TMEM43: variants seen among roughly 807,000 people sequenced by gnomAD.
TMEM43 encodes the protein arrhythmogenic right ventricular dysplasia 5.
Under a neutral mutation model 49.6 loss-of-function variants are expected in TMEM43, and 45 were observed. That is an observed-to-expected ratio of 0.91 (90% CI 0.71 to 1.16). The LOEUF (loss-of-function observed/expected upper bound fraction) is 1.16. Among genes scored for constraint, TMEM43 ranks in the 50% most tolerant of loss-of-function variants. The pLI is 0.00. For missense variants in TMEM43, 532 were observed against 516.6 expected (o/e 1.03, Z -0.29); for synonymous variants, 199 against 207.8 (o/e 0.96, Z 0.36).
rs555034992 is a variant in TMEM43 at position 14,130,800 on chromosome 3, C to A, written c.163-22C>A. The A allele has an allele frequency of 3.1e-6, 5 of 1,613,072 alleles. No individual in the cohort carries two copies. In the South Asian group the frequency reaches 3.3e-5, roughly 11 times the overall value. ...TGAGCCACCCCTGAGCTGTTGAAAT[C>A]CCCACTCCCCTTTGCTCCCAGGGCC... On this transcript the variant is annotated intron_variant, in intron 2 of 11. Transcript: ENST00000306077.
chr3:14,135,282 C>G (rs988868212), intron 9 of TMEM43, 50 bp downstream of exon 9: 1 of 1,491,350 alleles, frequency 6.7e-7, no homozygotes, highest in Non-Finnish European at 9.3e-7. Flanking sequence ...TCACGACTTT[C>G]CTGGACACAG....
chr3:14,125,851 C>T (rs1421417565), intron 1 of TMEM43, among the ~76,000 whole-genome samples: 1 of 152,150 alleles, frequency 6.6e-6, no homozygotes, highest in South Asian at 2.1e-4. Context: ...CCCTCAAGGC[C>T]TCTTCTCCCT....
At chr3:14,128,048 C>T (rs1695041987) in intron 1 of TMEM43, among the ~76,000 whole-genome samples, 2 of 152,320 alleles carry the variant, frequency 1.3e-5, no homozygotes, top group Admixed American at 1.3e-4. Flanking sequence ...AGGCCCTGAG[C>T]TACCCAATAA....
rs1450156105 is a variant in TMEM43 at position 14,143,112 on chromosome 3, C to CT, written c.*1318dup. The CT allele has an allele frequency of 1.3e-5, 2 of 152,226 alleles. No homozygotes were observed. The highest frequency in any genetic ancestry group is 4.8e-5 in the African/African-American group (2 of 41,432). 9.4% of individuals were successfully genotyped at this position (152,226 alleles called of 1,614,324 possible). ...CACCCACACCTAAGTCACAGAATTT[C>CT]TAAGTTCCCCAACTACTCTCACACC... On this transcript the variant is annotated 3_prime_UTR_variant, in exon 12 of 12. Coordinates refer to ENST00000306077, the MANE Select transcript of TMEM43 (RefSeq NM_024334.3).
intron 10 of TMEM43, among the ~76,000 whole-genome samples, chr3:14,137,450 T>C (rs1223221924): frequency 6.6e-6 from 1 of 152,132 alleles, no homozygotes; most frequent in Admixed American, 6.5e-5. Context: ...GTGCAGATGC[T>C]CAGGCGGCCT....
intron 11 of TMEM43, among the ~76,000 whole-genome samples, chr3:14,141,030 C>G (rs1225798950): frequency 6.6e-6 from 1 of 152,218 alleles, no homozygotes; most frequent in Non-Finnish European, 1.5e-5. Context: ...TAGCTGGATT[C>G]TGGGCTTTAT....
At chr3:14,132,696 CCAGGCATCAGGAT>C (rs1277590006) in intron 5 of TMEM43, 101 bp downstream of exon 5, 21 of 1,465,678 alleles carry the variant, frequency 1.4e-5, no homozygotes, top group Non-Finnish European at 2.0e-5. Context: ...GGATTCAGCA[CCAGGCATCAGGAT>C]CCCTGGGTGC....
intron 1 of TMEM43, 46 bp downstream of exon 1, chr3:14,125,251 G>T (rs1354757435): frequency 2.5e-5 from 39 of 1,583,252 alleles, no homozygotes; most frequent in Non-Finnish European, 1.7e-6. Context: ...CTTCCCCGTC[G>T]CCCTGGGGCT....
intron 11 of TMEM43, 58 bp downstream of exon 11, chr3:14,139,355 C>T (rs1695219791): frequency 3.3e-6 from 4 of 1,212,418 alleles, no homozygotes; most frequent in East Asian, 4.6e-5. Context: ...GCCTCCTCTG[C>T]CTGTCGCATC....
At position 14,143,354 on chromosome 3, in the gene TMEM43, A is replaced by G. The variant is rs900116568; in HGVS notation, c.*1559A>G. The G allele has an allele frequency of 6.6e-6, 1 of 152,236 alleles. No individual in the cohort carries two copies. Among genetic ancestry groups the G allele is most frequent in the Non-Finnish European group, 1.5e-5 (1 of 68,034 alleles). The allele number at this position is 152,236 out of a possible 1,614,324, so 9.4% of individuals were successfully genotyped here. A position where few individuals can be genotyped will look rare whatever the true frequency, so the allele number is the denominator to read the frequency against. On this transcript the variant is annotated 3_prime_UTR_variant, in exon 12 of 12. Transcript: ENST00000306077. The stretch of plus-strand genomic sequence containing the variant: ...CTGTGCTATAAATGAGTTTCTTCAC[A>G]TGAAAAACACAGCCAGCCCAAGATG...
At chr3:14,133,068 G>C in intron 6 of TMEM43, 133 bp downstream of exon 6, 1 of 785,496 alleles carries the variant, frequency 1.3e-6, no homozygotes, top group Non-Finnish European at 2.2e-6. Flanking sequence ...ATGGGTTTGA[G>C]ACCAAGCCCT....
intron 1 of TMEM43, among the ~76,000 whole-genome samples, chr3:14,128,045 G>A (rs374475680): frequency 3.3e-5 from 5 of 152,136 alleles, no homozygotes; most frequent in African/African-American, 9.7e-5. Flanking sequence ...CCTAGGCCCT[G>A]AGCTACCCAA....
intron 9 of TMEM43, 64 bp downstream of exon 9, chr3:14,135,296 C>G: frequency 2.1e-6 from 3 of 1,403,320 alleles, no homozygotes; most frequent in Non-Finnish European, 3.0e-6. Flanking sequence ...GACACAGACA[C>G]CTTGGTCAAT....
intron 10 of TMEM43, 146 bp downstream of exon 10, chr3:14,136,054 A>T (rs1443031743): frequency 3.8e-6 from 3 of 784,326 alleles, no homozygotes; most frequent in South Asian, 1.4e-5. Context: ...AGTATGCCTC[A>T]TCAAAGTGTT....
In TMEM43 at chr3:14,134,890, A is replaced by C. The variant is rs751419150; in HGVS notation, c.704A>C (p.Glu235Ala). 3 of 1,613,942 alleles carry C rather than the reference A, an allele frequency of 1.9e-6. No homozygotes were observed. The highest frequency in any genetic ancestry group is 2.7e-5 in the African/African-American group (2 of 74,922). ...CACAGCGAAAATCCCAAGTATCCAG[A>C]GGTGTGCGGAGAGGCCTGGGCTCTC... ...FYHSENPKYP[E>A]VGDLRVSFSY... The change falls in exon 8 of 12, where the codon GAG becomes GCG. Residue 235 changes from glutamate to alanine, a missense_variant and splice_region_variant. Physicochemically the swap from Glu to Ala is moderately radical, Grantham distance 107 (BLOSUM62 -1). Transcript: ENST00000306077.
Position 14,129,477 on chromosome 3 carries a change from G to A in TMEM43, c.78G>A (p.Leu26=), listed in dbSNP as rs1695064079. ...KVKTSSQPGF[L]ERLSETSGGM... ...AAACCAGCTCCCAGCCAGGCTTCCT[G>A]GAACGGCTGAGCGAGACCTCGGGTG... Residue 26 remains leucine (L), a synonymous_variant, in exon 2 of 12, where the codon CTG becomes CTA. Transcript: ENST00000306077. The A allele has an allele frequency of 6.2e-7, 1 of 1,613,994 alleles. No homozygotes were observed. The highest frequency in any genetic ancestry group is 8.5e-7 in the Non-Finnish European group (1 of 1,180,026).
intron 10 of TMEM43, 87 bp from the exon 11 acceptor site, chr3:14,139,093 T>C (rs1695214565): frequency 2.1e-6 from 2 of 951,700 alleles, no homozygotes; most frequent in Admixed American, 3.4e-5. Flanking sequence ...AGCTCCCGAG[T>C]TGGTACAGCC....
chr3:14,129,022 C>A (rs1257698001), intron 1 of TMEM43: 4 of 452,922 alleles, frequency 8.8e-6, no homozygotes, highest in African/African-American at 2.0e-5. Context: ...AGAAGCTGGG[C>A]AGAAAGGAGT....
At chr3:14,127,855 T>G (rs1695039543) in intron 1 of TMEM43, among the ~76,000 whole-genome samples, 2 of 152,164 alleles carry the variant, frequency 1.3e-5, no homozygotes, top group Non-Finnish European at 2.9e-5. Context: ...AAGCAGAGAT[T>G]CTGAGTCAAA....
Sources: allele counts gnomAD v4.1 joint callset (sites outside exome capture counted in the v4.1 genomes callset), GRCh38; gene constraint gnomAD v4.1.1; transcripts MANE v1.5; gene names NCBI Gene and HGNC (gene_info 2026-07-23, HGNC 2026-07-21).